The following OR6J1 variants were observed in gnomAD, a reference collection of about 807,000 sequenced individuals.
OR6J1 encodes the protein olfactory receptor family 6 subfamily J member 1.
For missense variants in OR6J1, 304 were observed against 166.8 expected, an observed-to-expected ratio of 1.82 and a Z score of -4.53; for synonymous variants, 109 against 70.0, an observed-to-expected ratio of 1.56 and a Z score of -2.78.
chr14:22,639,728 G>A (rs1212352749), intron 1 of OR6J1, among the ~76,000 whole-genome samples: 1 of 123,302 alleles, frequency 8.1e-6, no homozygotes, highest in East Asian at 2.1e-4. Context: ...GTCCACTCAG[G>A]GTTAAATGGA....
chr14:22,637,922 C>G (rs1444552500), intron 1 of OR6J1, among the ~76,000 whole-genome samples: 1 of 65,410 alleles, frequency 1.5e-5, no homozygotes. Context: ...AGCCCCCGCC[C>G]GGCCGGCCGC....
At chr14:22,639,176 C>A in intron 1 of OR6J1, among the ~76,000 whole-genome samples, 1 of 114,080 alleles carries the variant, frequency 8.8e-6, no homozygotes, top group African/African-American at 5.2e-5. Context: ...GCAGCCACCC[C>A]ATCTGGGAAG....
At chr14:22,635,031 C>T (rs2037574196) in intron 1 of OR6J1, among the ~76,000 whole-genome samples, 193 bp from the exon 2 acceptor site, 1 of 152,316 alleles carries the variant, frequency 6.6e-6, no homozygotes, top group South Asian at 2.1e-4. Context: ...ACACTGTCAG[C>T]AAGGGTGTCC....
chr14:22,642,797 A>T (rs1378017535), intron 1 of OR6J1, among the ~76,000 whole-genome samples: 1 of 151,286 alleles, frequency 6.6e-6, no homozygotes, highest in Non-Finnish European at 1.5e-5. Flanking sequence ...TATTTTCTTT[A>T]TTTTTATTTT....
At chr14:22,641,619 A>T (rs2037654079) in intron 1 of OR6J1, among the ~76,000 whole-genome samples, 1 of 152,084 alleles carries the variant, frequency 6.6e-6, no homozygotes, top group Non-Finnish European at 1.5e-5. Context: ...ATATATACAT[A>T]GTTGGATTGA....
At chr14:22,636,724 T>C (rs1208686564) in intron 1 of OR6J1, among the ~76,000 whole-genome samples, 3 of 116,164 alleles carry the variant, frequency 2.6e-5, no homozygotes, top group Admixed American at 7.8e-5. Flanking sequence ...TGCTCAGTGG[T>C]GCCCAGGCTG....
chr14:22,643,754 CACACACACACAGAGAGAGAG>C (rs1417883850), intron 1 of OR6J1, among the ~76,000 whole-genome samples: 72 of 93,154 alleles, frequency 7.7e-4, no homozygotes, highest in African/African-American at 2.9e-3. Flanking sequence ...CACACACACA[CACACACACACAGAGAGAGAG>C]AGAGAGAGAG....
chr14:22,638,810 T>A (rs1357497547), intron 1 of OR6J1, among the ~76,000 whole-genome samples: 2 of 142,454 alleles, frequency 1.4e-5, no homozygotes, highest in East Asian at 2.0e-4. Flanking sequence ...GGAGCCCCTC[T>A]GCCTGGCTGC....
At chr14:22,641,944 A>C (rs929376779) in intron 1 of OR6J1, among the ~76,000 whole-genome samples, 3 of 152,188 alleles carry the variant, frequency 2.0e-5, no homozygotes, top group Non-Finnish European at 4.4e-5. Context: ...AGCAGAGGCC[A>C]CGTAATTACC....
rs71421135 is a variant in OR6J1 at position 22,642,312 on chromosome 14, AATATATATATATATATATATATAT to A, written c.-28+1762_-28+1785del. ...TGTCCATCACCACAATCAACTTAAGAATATATATATATATATATATATATATATATATATATATATATTTGAGAT... is the reference window on the plus strand; with the variant it reads ...TGTCCATCACCACAATCAACTTAAGAATATATATATATATATATTTGAGAT... On this transcript the variant is annotated intron_variant, in intron 1 of 1. Coordinates refer to ENST00000540461, the MANE Select transcript of OR6J1 (RefSeq NM_001348233.2). Among the ~76,000 whole-genome samples, 472 of 109,222 alleles carry A rather than the reference AATATATATATATATATATATATAT, an allele frequency of 4.3e-3. 19 individuals are homozygous for A. The highest frequency in any genetic ancestry group is 0.018 in the African/African-American group (438 of 24,464). The allele number at this position is 109,222 out of a possible 152,430, so 71.7% of individuals were successfully genotyped here.
At chr14:22,641,227 AAGAAAGAAAGAAAG>A (rs2037644480) in intron 1 of OR6J1, among the ~76,000 whole-genome samples, 3 of 33,946 alleles carry the variant, frequency 8.8e-5, no homozygotes, top group Admixed American at 4.7e-4. Flanking sequence ...GAAAGAAAGA[AAGAAAGAAAGAAAG>A]AAAGAAAGAA....
chr14:22,641,199 G>A (rs59772333), intron 1 of OR6J1, among the ~76,000 whole-genome samples: 72,129 of 116,158 alleles, frequency 0.62, 22,081 homozygotes, highest in East Asian at 0.74. Context: ...AGACAGAGAG[G>A]GAGAGAAAGA....
chr14:22,642,532 G>A (rs1414818479), intron 1 of OR6J1, among the ~76,000 whole-genome samples: 2 of 151,256 alleles, frequency 1.3e-5, no homozygotes, highest in Non-Finnish European at 2.9e-5. Flanking sequence ...TAGAGATGAG[G>A]TTTCACCGTG....
chr14:22,643,800 C>T (rs973651073), intron 1 of OR6J1, among the ~76,000 whole-genome samples: 4 of 35,820 alleles, frequency 1.1e-4, no homozygotes, highest in Non-Finnish European at 7.4e-5. Flanking sequence ...GAGAGAGAGA[C>T]AGCAGTTACT....
In OR6J1 at chr14:22,640,224, G is replaced by T. The variant is rs181943110; in HGVS notation, c.-28+3874C>A. Among the ~76,000 whole-genome samples the T allele has an allele frequency of 4.4e-3, 429 of 96,932 alleles. 10 individuals are homozygous for T. The highest frequency in any genetic ancestry group is 0.018 in the African/African-American group (408 of 23,056). 63.6% of individuals were successfully genotyped at this position (96,932 alleles called of 152,430 possible). Reference sequence around the variant, plus strand: ...AAAGAGAGAGGGAGGGAGGGAGGGAGGGAGGGAAGGAAGGATGGAAGGAAG... The same window carrying T: ...AAAGAGAGAGGGAGGGAGGGAGGGATGGAGGGAAGGAAGGATGGAAGGAAG... On this transcript the variant is annotated intron_variant, in intron 1 of 1. Coordinates refer to ENST00000540461, the MANE Select transcript of OR6J1 (RefSeq NM_001348233.2).
chr14:22,635,064 G>C (rs55731710), intron 1 of OR6J1, among the ~76,000 whole-genome samples: 1 of 151,984 alleles, frequency 6.6e-6, no homozygotes, highest in South Asian at 2.1e-4. Flanking sequence ...TGTCATATAG[G>C]TCATATGAAC....
In OR6J1 at chr14:22,632,551, G is replaced by A. The variant is rs112348693; in HGVS notation, c.*1217C>T. ...ACTGCACTCCATCCTGGGCGACAGA[G>A]TGAGACTCCGTCTCAAAACAAAAAC... is the stretch of plus-strand genomic sequence containing the variant. On this transcript the variant is annotated 3_prime_UTR_variant, in exon 2 of 2. Coordinates refer to ENST00000540461, the MANE Select transcript of OR6J1 (RefSeq NM_001348233.2). 35,183 of 152,036 alleles carry A rather than the reference G, an allele frequency of 0.23. 4,313 individuals are homozygous for A. Among genetic ancestry groups the A allele is most frequent in the African/African-American group, 0.32 (13,248 of 41,374 alleles). 9.4% of individuals were successfully genotyped at this position (152,036 alleles called of 1,614,324 possible).
At chr14:22,637,724 G>T (rs1315160412) in intron 1 of OR6J1, among the ~76,000 whole-genome samples, 1 of 82,218 alleles carries the variant, frequency 1.2e-5, no homozygotes, top group Non-Finnish European at 2.4e-5. Context: ...CCCCGTCCGG[G>T]AGGGAGGTGG....
rs1489806317 is a variant in OR6J1, at chr14:22,634,119, A to C, written c.693T>G (p.Ser231Arg). Residue 231 changes from serine (S) to arginine (R), a missense_variant, in exon 2 of 2, where the codon AGT becomes AGG. Ser to Arg is a moderately radical substitution (Grantham distance 110). Transcript: ENST00000540461. ...ILTIVRIPSA[S>R]GRKKAFNTCA... ...AGGTATTAAAGGCCTTCTTCCTTCC[A>C]CTTGCAGAAGGAATGCGCACTATGG... 9 of 703,268 alleles carry C rather than the reference A, an allele frequency of 1.3e-5. No individual in the cohort carries two copies. The highest frequency in any genetic ancestry group is 2.3e-5 in the Non-Finnish European group (9 of 384,952). The allele number at this position is 703,268 out of a possible 1,614,324, so 43.6% of individuals were successfully genotyped here.
Sources: allele counts gnomAD v4.1 joint callset (sites outside exome capture counted in the v4.1 genomes callset), GRCh38; gene constraint gnomAD v4.1.1; transcripts MANE v1.5; gene names NCBI Gene and HGNC (gene_info 2026-07-23, HGNC 2026-07-21).